The following GLMN variants were observed in gnomAD, a reference collection of about 807,000 sequenced individuals.
The protein encoded by GLMN is glomulin, FKBP associated protein, also known as glomulin.
A neutral mutation model predicts 87.8 loss-of-function variants in GLMN; 75 were observed. The ratio of observed to expected loss-of-function variants is 0.85; its 90% CI spans 0.71 to 1.04. GLMN has a LOEUF of 1.04. Among genes scored for constraint, GLMN ranks in the 50% least tolerant of loss-of-function variants. GLMN has a pLI of 0.00. For missense variants in GLMN, 588 were observed against 658.8 expected (o/e 0.89, Z 1.18); for synonymous variants, 206 against 221.6 (o/e 0.93, Z 0.63).
rs1652906345 is a variant in GLMN at position 92,247,902 on chromosome 1, CA to C, written c.1560del (p.Tyr520Ter). ...CCTTGGCTATTTTTAATTTCTGCTT[CA>C]TAATGTGCTTTTGACATATTAAGTC... is the stretch of plus-strand genomic sequence containing the variant. ...HIGLNMSKAH[Y>X]EAEIKNSQEA... On this transcript the variant is annotated frameshift_variant, in exon 17 of 19. Coordinates refer to ENST00000370360, the MANE Select transcript of GLMN (RefSeq NM_053274.3). LOFTEE classifies it high-confidence loss of function. 7.5e-7 allele frequency: 1 copy of C among 1,334,684 alleles called. No individual in the cohort carries two copies. The highest frequency in any genetic ancestry group is 1.2e-5 in the South Asian group (1 of 85,404). 82.7% of individuals were successfully genotyped at this position (1,334,684 alleles called of 1,614,324 possible).
At chr1:92,295,411 C>T (rs1649931406) in intron 3 of GLMN, among the ~76,000 whole-genome samples, 1 of 152,104 alleles carries the variant, frequency 6.6e-6, no homozygotes. Context: ...ATCTTAATTC[C>T]TCTATCTCTA....
At position 92,250,152 on chromosome 1, in the gene GLMN, G is replaced by A. The variant is rs546690119; in HGVS notation, c.1474-2163C>T. Among the ~76,000 whole-genome samples, 36 of 145,040 alleles carry A rather than the reference G, an allele frequency of 2.5e-4. No homozygotes were observed. The East Asian group carries it at 6.2e-3, about 25-fold the overall frequency. On this transcript the variant is annotated intron_variant, in intron 16 of 18. Transcript: ENST00000370360. ...GAGTATAGGGAAAACACCTAGCTTTGACAAAAGGAAACCTTTGACAAAAGG... is the reference window on the plus strand; with the variant it reads ...GAGTATAGGGAAAACACCTAGCTTTAACAAAAGGAAACCTTTGACAAAAGG...
chr1:92,337,858 A>C, the GLMN span, among the ~76,000 whole-genome samples: 1 of 152,124 alleles, frequency 6.6e-6, no homozygotes, highest in Non-Finnish European at 1.5e-5. Flanking sequence ...TAATGTTGTG[A>C]CTACTAGTAG....
chr1:92,338,761 G>A, the GLMN span, among the ~76,000 whole-genome samples: 2 of 151,224 alleles, frequency 1.3e-5, no homozygotes, highest in African/African-American at 2.4e-5. Flanking sequence ...GCCGCAGCCT[G>A]GCTAATTTTT....
chr1:92,258,274 G>A (rs1654521373), intron 16 of GLMN, among the ~76,000 whole-genome samples: 1 of 152,174 alleles, frequency 6.6e-6, no homozygotes, highest in Non-Finnish European at 1.5e-5. Context: ...AGAGGATGTG[G>A]AGAAATAGGA....
At chr1:92,358,810 A>T in the GLMN span, among the ~76,000 whole-genome samples, 1 of 151,610 alleles carries the variant, frequency 6.6e-6, no homozygotes, top group African/African-American at 2.4e-5. Context: ...CTGGTCTTGA[A>T]CTCCTAAACT....
intron 16 of GLMN, among the ~76,000 whole-genome samples, chr1:92,249,736 A>G (rs917499857): frequency 3.9e-5 from 6 of 151,994 alleles, no homozygotes; most frequent in Non-Finnish European, 8.8e-5. Flanking sequence ...TCTTTTATCT[A>G]ACTCTTTTTG....
chr1:92,328,777 T>A, the GLMN span, among the ~76,000 whole-genome samples: 148 of 152,328 alleles, frequency 9.7e-4, 1 homozygote, highest in Middle Eastern at 3.4e-3. Context: ...GGGTAGACTG[T>A]GAGAAGGAAG....
the GLMN span, chr1:92,336,535 A>C: frequency 2.8e-6 from 2 of 709,420 alleles, no homozygotes; most frequent in Non-Finnish European, 2.5e-6. Flanking sequence ...TCAATGTCAC[A>C]GATCTAAATA....
the GLMN span, among the ~76,000 whole-genome samples, chr1:92,360,690 C>G: frequency 6.6e-6 from 1 of 152,172 alleles, no homozygotes; most frequent in African/African-American, 2.4e-5. Flanking sequence ...ACATATTTCT[C>G]TCTCCTTGCC....
At chr1:92,338,422 T>C in the GLMN span, among the ~76,000 whole-genome samples, 1 of 152,356 alleles carries the variant, frequency 6.6e-6, no homozygotes, top group South Asian at 2.1e-4. Context: ...AGAGACATTT[T>C]TTAGATACAC....
At chr1:92,320,580 T>C in the GLMN span, 4 of 1,608,338 alleles carry the variant, frequency 2.5e-6, no homozygotes, top group Non-Finnish European at 3.4e-6. Flanking sequence ...TAATTTTTAT[T>C]TCTGTGTTCT....
In GLMN at chr1:92,246,417, A is replaced by G. The variant is rs1652672948; in HGVS notation, c.*113T>C. ...TAGAAATTGATAAATGAGAAAAGCT[A>G]CATTTATTTTTCAAGCAGTAAATTT... On this transcript the variant is annotated 3_prime_UTR_variant, in exon 19 of 19. Coordinates refer to ENST00000370360, the MANE Select transcript of GLMN (RefSeq NM_053274.3). The G allele has an allele frequency of 4.7e-6, 3 of 644,924 alleles. No homozygotes were observed. Among genetic ancestry groups the G allele is most frequent in the Non-Finnish European group, 8.3e-6 (3 of 359,622 alleles). The allele number at this position is 644,924 out of a possible 1,614,324, so 40.0% of individuals were successfully genotyped here.
At chr1:92,270,368 T>C (rs1371222342) in intron 8 of GLMN, among the ~76,000 whole-genome samples, 1 of 152,218 alleles carries the variant, frequency 6.6e-6, no homozygotes, top group Admixed American at 6.5e-5. Context: ...TGCCACAAAG[T>C]AGTTAGATCT....
At chr1:92,272,573 A>T (rs1656351774) in intron 7 of GLMN, among the ~76,000 whole-genome samples, 1 of 152,214 alleles carries the variant, frequency 6.6e-6, no homozygotes, top group African/African-American at 2.4e-5. Context: ...TATATGAAGC[A>T]AGGGTAAAGC....
the GLMN span, among the ~76,000 whole-genome samples, chr1:92,358,928 A>G: frequency 6.6e-6 from 1 of 152,130 alleles, no homozygotes; most frequent in Non-Finnish European, 1.5e-5. Flanking sequence ...AGAAAAAACA[A>G]ATAGACCTAT....
intron 16 of GLMN, among the ~76,000 whole-genome samples, chr1:92,257,717 C>G (rs1037001534): frequency 3.9e-5 from 6 of 152,134 alleles, no homozygotes; most frequent in African/African-American, 1.4e-4. Context: ...AAATTGGACT[C>G]CTTCCTTACC....
rs1014251515 is a variant in GLMN at position 92,279,238 on chromosome 1, G to A, written c.735+7252C>T. On this transcript the variant is annotated intron_variant, in intron 7 of 18. Coordinates refer to ENST00000370360, the MANE Select transcript of GLMN (RefSeq NM_053274.3). ...TGGGAGGCTGAGGCGGGTGGATCAC[G>A]TGAGGTCAGGAGTTTGAGACCAGCT... Among the ~76,000 whole-genome samples, 6 of 151,906 alleles carry A rather than the reference G, an allele frequency of 3.9e-5. No individual in the cohort carries two copies. In the East Asian group the frequency reaches 1.2e-3, roughly 29 times the overall value.
the GLMN span, among the ~76,000 whole-genome samples, chr1:92,324,840 G>A: frequency 6.6e-6 from 1 of 152,122 alleles, no homozygotes; most frequent in Non-Finnish European, 1.5e-5. Context: ...AAAATAGTTT[G>A]TAAAAGAGAC....
Sources: allele counts gnomAD v4.1 joint callset (sites outside exome capture counted in the v4.1 genomes callset), GRCh38; gene constraint gnomAD v4.1.1; transcripts MANE v1.5; gene names NCBI Gene and HGNC (gene_info 2026-07-23, HGNC 2026-07-21).